CSMD1: variants seen among roughly 807,000 people sequenced by gnomAD.
CSMD1 encodes the protein CUB and Sushi multiple domains 1, also known as CUB and sushi domain-containing protein 1.
In CSMD1, 213 loss-of-function variants were observed where a neutral mutation model predicts 417.5. That is an observed-to-expected ratio of 0.51 (90% CI 0.46 to 0.57). CSMD1 has a LOEUF of 0.57. Among genes scored for constraint, CSMD1 ranks in the 20% least tolerant of loss-of-function variants. The probability of loss-of-function intolerance (pLI) is 0.00; values close to 1 mark genes in which losing one functional copy is unlikely to be tolerated. For synonymous variants in CSMD1, 2,862 were observed against 1,736.8 expected (o/e 1.65, Z -16.11); for missense variants, 6,923 against 4,529.7 (o/e 1.53, Z -15.17).
intron 10 of CSMD1, among the ~76,000 whole-genome samples, chr8:3,537,645 AT>A (rs1798259954): frequency 6.6e-6 from 1 of 152,062 alleles, no homozygotes; most frequent in African/African-American, 2.4e-5. Flanking sequence ...ATGTAGCATC[AT>A]TTATTTCAGG....
chr8:4,291,040 A>G (rs961775938), intron 3 of CSMD1, among the ~76,000 whole-genome samples: 4 of 152,246 alleles, frequency 2.6e-5, no homozygotes, highest in Admixed American at 2.0e-4. Context: ...TTTGTACCCT[A>G]GTGTAAAATA....
At chr8:3,782,787 A>G (rs1446781187) in intron 5 of CSMD1, among the ~76,000 whole-genome samples, 1 of 152,232 alleles carries the variant, frequency 6.6e-6, no homozygotes, top group Non-Finnish European at 1.5e-5. Context: ...TTTAGGAATT[A>G]AAGATAACAA....
At chr8:3,667,727 T>G (rs553737815) in intron 7 of CSMD1, among the ~76,000 whole-genome samples, 4 of 152,106 alleles carry the variant, frequency 2.6e-5, no homozygotes, top group Non-Finnish European at 5.9e-5. Flanking sequence ...AGTTACTCAT[T>G]AGAGAAAGTA....
intron 1 of CSMD1, among the ~76,000 whole-genome samples, chr8:4,923,553 A>C (rs890784342): frequency 6.6e-6 from 1 of 152,042 alleles, no homozygotes; most frequent in African/African-American, 2.4e-5. Flanking sequence ...ATGTGCCCAC[A>C]TAACTTAAAA....
intron 25 of CSMD1, among the ~76,000 whole-genome samples, chr8:3,291,733 C>G (rs954104822): frequency 2.3e-4 from 35 of 152,050 alleles, no homozygotes; most frequent in Admixed American, 4.6e-4. Context: ...CTTTATTTGT[C>G]TTGCTAGTGG....
chr8:4,004,072 T>C (rs1199688551), intron 4 of CSMD1, among the ~76,000 whole-genome samples: 2 of 152,148 alleles, frequency 1.3e-5, no homozygotes, highest in Non-Finnish European at 2.9e-5. Flanking sequence ...TAATGTCTGA[T>C]CTGTGAAAAA....
At chr8:4,663,500 T>G (rs1334221190) in intron 1 of CSMD1, among the ~76,000 whole-genome samples, 1 of 152,112 alleles carries the variant, frequency 6.6e-6, no homozygotes, top group African/African-American at 2.4e-5. Flanking sequence ...TGGGCACAGA[T>G]ATTCCCCTTG....
chr8:4,548,789 G>A (rs949321923), intron 2 of CSMD1, among the ~76,000 whole-genome samples: 5 of 151,994 alleles, frequency 3.3e-5, no homozygotes, highest in South Asian at 2.1e-4. Context: ...GTTAGTTCAC[G>A]GGAAACCATG....
intron 3 of CSMD1, among the ~76,000 whole-genome samples, chr8:4,226,325 T>C (rs1174296468): frequency 6.6e-6 from 1 of 152,178 alleles, no homozygotes. Flanking sequence ...TTAGAGACCA[T>C]CAAATACTCT....
intron 39 of CSMD1, among the ~76,000 whole-genome samples, chr8:3,153,601 T>A (rs1340845865): frequency 2.6e-5 from 4 of 152,218 alleles, no homozygotes; most frequent in Non-Finnish European, 5.9e-5. Flanking sequence ...TTCCTTTTGA[T>A]TTTAGCATGA....
In CSMD1 at chr8:4,457,984, A is replaced by G. The variant is rs544064323; in HGVS notation, c.303-37919T>C. Among the ~76,000 whole-genome samples, 5 of 152,256 alleles carry G rather than the reference A, an allele frequency of 3.3e-5. No individual in the cohort carries two copies. The South Asian group carries it at 1.0e-3, about 32-fold the overall frequency. ...CAGATGTACTTCTTTGGTTGGTGGCACTTCCCCTGAGAGGTAGTGACTTCT... is the reference window on the plus strand; with the variant it reads ...CAGATGTACTTCTTTGGTTGGTGGCGCTTCCCCTGAGAGGTAGTGACTTCT... On this transcript the variant is annotated intron_variant, in intron 2 of 69. Coordinates refer to ENST00000635120, the MANE Select transcript of CSMD1 (RefSeq NM_033225.6).
chr8:4,514,088 A>T (rs904748582), intron 2 of CSMD1, among the ~76,000 whole-genome samples: 5 of 152,112 alleles, frequency 3.3e-5, no homozygotes, highest in East Asian at 1.9e-4. Context: ...TATTATTATT[A>T]TTTTTTACAG....
chr8:4,848,222 G>C lies in CSMD1; in HGVS notation c.85+146110C>G, dbSNP rs150715088. On this transcript the variant is annotated intron_variant, in intron 1 of 69. Transcript: ENST00000635120. ...CACAGTTTGTCTATCCTTTCATCTA[G>C]TGATAGACTATTGGGGTGTTTCCAC... Among the ~76,000 whole-genome samples, 4 of 152,274 alleles carry C rather than the reference G, an allele frequency of 2.6e-5. No individual in the cohort carries two copies. The East Asian group carries it at 7.7e-4, about 29-fold the overall frequency.
rs373782355 is a variant in CSMD1, at chr8:4,954,077, C to A, written c.85+40255G>T. 3.3e-5 allele frequency among the ~76,000 whole-genome samples: 5 copies of A among 152,270 alleles called. No individual in the cohort carries two copies. In the South Asian group the frequency reaches 1.0e-3, roughly 32 times the overall value. ...TCTTTCTCCAAATTCATAAACATTT[C>A]TTCCATGTATCCTACCTGTGCCAAT... On this transcript the variant is annotated intron_variant, in intron 1 of 69. Transcript: ENST00000635120.
intron 33 of CSMD1, among the ~76,000 whole-genome samples, chr8:3,198,723 T>C (rs1195954533): frequency 6.6e-6 from 1 of 152,202 alleles, no homozygotes; most frequent in Non-Finnish European, 1.5e-5. Context: ...TTAGAAACGA[T>C]TGATACATAA....
At chr8:3,889,400 TA>T (rs1346950498) in intron 5 of CSMD1, among the ~76,000 whole-genome samples, 1 of 143,052 alleles carries the variant, frequency 7.0e-6, no homozygotes, top group Non-Finnish European at 1.5e-5. Flanking sequence ...TTACTAACAT[TA>T]AATAATGCCT....
At chr8:4,278,566 A>G (rs889454728) in intron 3 of CSMD1, among the ~76,000 whole-genome samples, 1 of 152,260 alleles carries the variant, frequency 6.6e-6, no homozygotes, top group Admixed American at 6.5e-5. Context: ...ACAAAACGTT[A>G]GATAACATAT....
intron 1 of CSMD1, among the ~76,000 whole-genome samples, chr8:4,943,413 G>C (rs1024593910): frequency 2.6e-5 from 4 of 151,754 alleles, no homozygotes; most frequent in Non-Finnish European, 5.9e-5. Flanking sequence ...GGAGAATGGC[G>C]TGAACCCGGG....
At chr8:3,660,855 T>A (rs1313773995) in intron 7 of CSMD1, among the ~76,000 whole-genome samples, 1 of 152,098 alleles carries the variant, frequency 6.6e-6, no homozygotes, top group Admixed American at 6.5e-5. Context: ...TAGATCAGAT[T>A]TGGAATTCAA....
Sources: allele counts gnomAD v4.1 joint callset (sites outside exome capture counted in the v4.1 genomes callset), GRCh38; gene constraint gnomAD v4.1.1; transcripts MANE v1.5; gene names NCBI Gene and HGNC (gene_info 2026-07-23, HGNC 2026-07-21).